Variants in HOXB3 observed in about 807,000 individuals in gnomAD.
HOXB3 encodes the protein homeobox B3, also known as homeobox protein Hox-B3.
Under a neutral mutation model 29.2 loss-of-function variants are expected in HOXB3, and 17 were observed. That is an observed-to-expected ratio of 0.58 (90% CI 0.40 to 0.87). HOXB3 has a LOEUF of 0.87. Ranked by LOEUF, HOXB3 falls within the 40% of genes least tolerant of loss-of-function variation. HOXB3 has a pLI of 0.00. For synonymous variants in HOXB3, 317 were observed against 285.9 expected, an observed-to-expected ratio of 1.11 and a Z score of -1.10; for missense variants, 637 against 616.3, an observed-to-expected ratio of 1.03 and a Z score of -0.35.
In HOXB3 at chr17:48,548,931, A is replaced by G. The variant is rs2068613863; in HGVS notation, c.*1403T>C. ...TGACAGACAACCCTTTTAGGTAAGG[A>G]AAAAAGTAACTACTGAAGAACAAAG... On this transcript the variant is annotated 3_prime_UTR_variant, in exon 5 of 5. Coordinates refer to ENST00000498678, the MANE Select transcript of HOXB3 (RefSeq NM_001384749.1). 1 of 152,630 alleles carries G rather than the reference A, an allele frequency of 6.6e-6. No individual in the cohort carries two copies. The highest frequency in any genetic ancestry group is 2.1e-4 in the South Asian group (1 of 4,830). The allele number at this position is 152,630 out of a possible 1,614,324, so 9.5% of individuals were successfully genotyped here. A position where few individuals can be genotyped will look rare whatever the true frequency, so the allele number is the denominator to read the frequency against.
intron 1 of HOXB3, among the ~76,000 whole-genome samples, chr17:48,589,327 A>G (rs932007915): frequency 1.3e-5 from 2 of 152,186 alleles, no homozygotes; most frequent in Non-Finnish European, 2.9e-5. Flanking sequence ...CCAGAGTTCT[A>G]CTTAAACACC....
At chr17:48,568,818 A>G (rs572750963) in intron 2 of HOXB3, among the ~76,000 whole-genome samples, 5 of 152,348 alleles carry the variant, frequency 3.3e-5, no homozygotes, top group South Asian at 2.1e-4. Context: ...CAATGCCTCA[A>G]TGGGCATAAA....
At chr17:48,576,920 G>A (rs756972884) in intron 1 of HOXB3, 4 of 1,614,274 alleles carry the variant, frequency 2.5e-6, no homozygotes, top group Non-Finnish European at 2.5e-6. Flanking sequence ...GCCGTGTCAG[G>A]TAGCGGTTGT....
chr17:48,589,492 C>A (rs2070107777), intron 1 of HOXB3, among the ~76,000 whole-genome samples: 1 of 152,234 alleles, frequency 6.6e-6, no homozygotes, highest in Admixed American at 6.5e-5. Context: ...TTGAGACCAA[C>A]AGGCTGAAGG....
chr17:48,571,115 G>A (rs1351873636), intron 2 of HOXB3, among the ~76,000 whole-genome samples: 2 of 152,220 alleles, frequency 1.3e-5, no homozygotes, highest in African/African-American at 4.8e-5. Flanking sequence ...GAATGTCCAC[G>A]TTCAAATAAA....
chr17:48,585,456 C>CG (rs1347358048), intron 1 of HOXB3, among the ~76,000 whole-genome samples: 4 of 152,114 alleles, frequency 2.6e-5, no homozygotes, highest in Admixed American at 2.0e-4. Flanking sequence ...CCCAACGATG[C>CG]GGGGGGGCCC....
At chr17:48,556,612 C>A (rs72829852) in intron 2 of HOXB3, 1 of 149,698 alleles carries the variant, frequency 6.7e-6, no homozygotes, top group East Asian at 1.9e-4. Context: ...AGACAACAAG[C>A]GGTGAGTGAT....
chr17:48,568,642 C>T (rs2069471932), intron 2 of HOXB3, among the ~76,000 whole-genome samples: 1 of 151,284 alleles, frequency 6.6e-6, no homozygotes, highest in African/African-American at 2.5e-5. Context: ...CGCACGCACA[C>T]ACACGCGCGG....
At chr17:48,582,754 C>G (rs994246605) in intron 1 of HOXB3, 6 of 152,298 alleles carry the variant, frequency 3.9e-5, no homozygotes, top group African/African-American at 1.2e-4. Flanking sequence ...CTTCTCTTCT[C>G]TTCATCCAAC....
At chr17:48,567,793 C>G (rs1007160284) in intron 2 of HOXB3, among the ~76,000 whole-genome samples, 4 of 152,198 alleles carry the variant, frequency 2.6e-5, no homozygotes, top group Non-Finnish European at 4.4e-5. Flanking sequence ...AACACAGAGT[C>G]CCTCACTGCT....
At chr17:48,577,798 C>A in intron 1 of HOXB3, 1 of 1,314,474 alleles carries the variant, frequency 7.6e-7, no homozygotes, top group Non-Finnish European at 9.8e-7. Context: ...CCAACCCATG[C>A]CTCCGAAGTC....
rs1238282008 is a variant in HOXB3, at chr17:48,551,066, G to C, written c.564C>G (p.Ser188=). ...GDKSPPGSAA[S]KRARTAYTSA... ...TCGTGTACGCCGTCCGCGCCCGCTT[G>C]GACGCCGCCGACCCCGGGGGGCTCT... is the stretch of plus-strand genomic sequence containing the variant. The change falls in exon 5 of 5, where the codon TCC becomes TCG. Residue 188 remains serine (S), a synonymous_variant. Transcript: ENST00000498678. The C allele has an allele frequency of 2.6e-6, 4 of 1,553,612 alleles. No homozygotes were observed. The highest frequency in any genetic ancestry group is 3.5e-6 in the Non-Finnish European group (4 of 1,145,844).
intron 2 of HOXB3, among the ~76,000 whole-genome samples, chr17:48,566,330 G>T (rs1487844378): frequency 6.6e-6 from 1 of 152,168 alleles, no homozygotes; most frequent in Non-Finnish European, 1.5e-5. Flanking sequence ...GCAAGGGATG[G>T]TCCCCTTGCT....
intron 1 of HOXB3, chr17:48,576,526 G>A: frequency 9.6e-6 from 4 of 417,732 alleles, no homozygotes; most frequent in Non-Finnish European, 1.7e-5. Context: ...GCCTCCCCGT[G>A]GCCCTCTATT....
At chr17:48,568,637 G>GCACACACGCGCGCA (rs1453598549) in intron 2 of HOXB3, among the ~76,000 whole-genome samples, 2 of 151,084 alleles carry the variant, frequency 1.3e-5, no homozygotes, top group Admixed American at 6.6e-5. Context: ...AGACGCGCAC[G>GCACACACGCGCGCA]CACACACACG....
In HOXB3 at chr17:48,554,542, T is replaced by G; in HGVS notation, c.-159+989A>C. 1 of 685,136 alleles carries G rather than the reference T, an allele frequency of 1.5e-6. No homozygotes were observed. The highest frequency in any genetic ancestry group is 2.7e-6 in the Non-Finnish European group (1 of 376,350). 42.4% of individuals were successfully genotyped at this position (685,136 alleles called of 1,614,324 possible). ...GTGCAGACAGGGCTGGGAAGGTTTG[T>G]GCACCCGGGTAGTCCCTGGCTGCTG... is the stretch of plus-strand genomic sequence containing the variant. On this transcript the variant is annotated intron_variant, in intron 3 of 4. Transcript: ENST00000498678. This position sits in a 1 kb window ranked among gnomAD's most constrained non-coding sequence, Gnocchi z 4.1.
intron 1 of HOXB3, chr17:48,575,388 CTT>C (rs924363448): frequency 6.6e-6 from 1 of 152,214 alleles, no homozygotes; most frequent in Non-Finnish European, 1.5e-5. Context: ...CCATCAGACT[CTT>C]TGAAAAAAAT....
At position 48,554,974 on chromosome 17, in the gene HOXB3, T is replaced by C; in HGVS notation, c.-159+557A>G. On this transcript the variant is annotated intron_variant, in intron 3 of 4. Transcript: ENST00000498678. This position sits in a 1 kb window ranked among gnomAD's most constrained non-coding sequence, Gnocchi z 4.1. Reference sequence around the variant, plus strand: ...TTCCCTTGCCTCCATGTTGGAAAAATTCAGGTTCCATATGGCTCCTCGGGA... The same window carrying C: ...TTCCCTTGCCTCCATGTTGGAAAAACTCAGGTTCCATATGGCTCCTCGGGA... 7 of 615,432 alleles carry C rather than the reference T, an allele frequency of 1.1e-5. No homozygotes were observed. Among genetic ancestry groups the C allele is most frequent in the Non-Finnish European group, 2.0e-5 (7 of 343,996 alleles). 38.1% of individuals were successfully genotyped at this position (615,432 alleles called of 1,614,324 possible).
chr17:48,576,601 G>A, intron 1 of HOXB3: 1 of 795,150 alleles, frequency 1.3e-6, no homozygotes, highest in Non-Finnish European at 1.9e-6. Flanking sequence ...AAAGTGTGGG[G>A]GAGGGCAGAT....
Sources: allele counts gnomAD v4.1 joint callset (sites outside exome capture counted in the v4.1 genomes callset), GRCh38; gene constraint gnomAD v4.1.1; non-coding constraint Gnocchi (gnomAD v3.1); transcripts MANE v1.5; gene names NCBI Gene and HGNC (gene_info 2026-07-23, HGNC 2026-07-21).